The following MGAT4C variants were observed in gnomAD, a reference collection of about 807,000 sequenced individuals.
MGAT4C encodes alpha-1,3-mannosyl-glycoprotein 4-beta-N-acetylglucosaminyltransferase C.
In MGAT4C, 19 loss-of-function variants were observed where a neutral mutation model predicts 40.1. That is an observed-to-expected ratio of 0.47 (90% CI 0.33 to 0.70). The LOEUF (loss-of-function observed/expected upper bound fraction) is 0.70. MGAT4C is among the 30% of genes least tolerant of loss of function. The probability of loss-of-function intolerance (pLI) is 0.02; values close to 1 mark genes in which losing one functional copy is unlikely to be tolerated. For synonymous variants in MGAT4C, 181 were observed against 187.1 expected (o/e 0.97, Z 0.27); for missense variants, 491 against 563.2 (o/e 0.87, Z 1.30).
At chr12:86,701,171 C>A (rs564156690) in intron 2 of MGAT4C, among the ~76,000 whole-genome samples, 3 of 151,884 alleles carry the variant, frequency 2.0e-5, no homozygotes, top group Non-Finnish European at 4.4e-5. Context: ...ATTAAATAAA[C>A]CCAAGGCTTT....
At chr12:86,491,514 C>A (rs1051394362) in intron 2 of MGAT4C, among the ~76,000 whole-genome samples, 10 of 151,894 alleles carry the variant, frequency 6.6e-5, no homozygotes, top group Non-Finnish European at 1.2e-4. Context: ...TAAACGTAAT[C>A]CAGCATATAA....
chr12:86,239,826 C>T lies in MGAT4C; in HGVS notation c.-57+16413G>A, dbSNP rs796403953. 8.4e-5 allele frequency among the ~76,000 whole-genome samples: 11 copies of T among 131,700 alleles called. 1 individual carries two copies. The highest frequency in any genetic ancestry group is 2.9e-4 in the African/African-American group (10 of 34,426). The allele number at this position is 131,700 out of a possible 152,430, so 86.4% of individuals were successfully genotyped here. ...TCTCTTCTCAGTGGAACATGTGCTC[C>T]TGGAAGAAAGGAGACATAAAAGGGG... On this transcript the variant is annotated intron_variant, in intron 1 of 4. Transcript: ENST00000611864.
At chr12:86,792,799 C>T (rs1165680235) in intron 1 of MGAT4C, among the ~76,000 whole-genome samples, 3 of 151,972 alleles carry the variant, frequency 2.0e-5, no homozygotes, top group African/African-American at 7.3e-5. Flanking sequence ...GGTGTGGTGG[C>T]GGACACCTGT....
chr12:86,729,973 T>C (rs1211550419), intron 1 of MGAT4C, among the ~76,000 whole-genome samples: 1 of 152,108 alleles, frequency 6.6e-6, no homozygotes, highest in African/African-American at 2.4e-5. Context: ...ATATTAATCA[T>C]GGCATAGTTT....
chr12:86,097,564 A>G (rs1874169613), intron 1 of MGAT4C, among the ~76,000 whole-genome samples: 1 of 151,796 alleles, frequency 6.6e-6, no homozygotes, highest in Admixed American at 6.6e-5. Context: ...CCATAGAAAT[A>G]TACTGGAAAT....
intron 1 of MGAT4C, among the ~76,000 whole-genome samples, chr12:86,779,800 C>T (rs1475394341): frequency 6.6e-6 from 1 of 151,908 alleles, no homozygotes; most frequent in Non-Finnish European, 1.5e-5. Context: ...GTAGTCCCAG[C>T]TACTCAGGAG....
chr12:86,324,083 A>C (rs1332619553), intron 4 of MGAT4C, among the ~76,000 whole-genome samples: 2 of 151,978 alleles, frequency 1.3e-5, no homozygotes, highest in Non-Finnish European at 2.9e-5. Flanking sequence ...TTTTTAATTA[A>C]ATTCAGCAAT....
At chr12:86,482,698 G>T (rs948343364) in intron 2 of MGAT4C, among the ~76,000 whole-genome samples, 1 of 152,026 alleles carries the variant, frequency 6.6e-6, no homozygotes, top group African/African-American at 2.4e-5. Flanking sequence ...TTTCTCTAAC[G>T]TATAAAGTCT....
At chr12:86,230,996 T>C (rs1035080250) in intron 1 of MGAT4C, among the ~76,000 whole-genome samples, 1 of 151,934 alleles carries the variant, frequency 6.6e-6, no homozygotes, top group Non-Finnish European at 1.5e-5. Context: ...TCAGCAGTAA[T>C]GGATGCCTAC....
rs1040728276 is a variant in MGAT4C, at chr12:86,541,417, A to G, written c.-228-106152T>C. ...TAAATACGAGATGGTAGATTATGCA[A>G]AAGTTCAAAATACTGATTTAAAAGT... On this transcript the variant is annotated intron_variant, in intron 2 of 7. Transcript: ENST00000548651. 3.3e-5 allele frequency among the ~76,000 whole-genome samples: 5 copies of G among 152,208 alleles called. 1 individual carries two copies. The highest frequency in any genetic ancestry group is 3.3e-4 in the Admixed American group (5 of 15,274).
intron 3 of MGAT4C, among the ~76,000 whole-genome samples, chr12:86,418,036 A>G (rs988973543): frequency 7.9e-5 from 12 of 152,190 alleles, no homozygotes; most frequent in African/African-American, 1.9e-4. Context: ...TTTATGGTTA[A>G]TAAGTATATT....
intron 2 of MGAT4C, among the ~76,000 whole-genome samples, chr12:86,563,762 G>T (rs370950379): frequency 1.9e-4 from 29 of 152,126 alleles, no homozygotes; most frequent in African/African-American, 6.5e-4. Context: ...AGGTTATTGT[G>T]GTCCTCCAGT....
intron 1 of MGAT4C, among the ~76,000 whole-genome samples, chr12:86,113,523 TA>T (rs2135653456): frequency 6.6e-6 from 1 of 151,510 alleles, no homozygotes; most frequent in South Asian, 2.1e-4. Flanking sequence ...AATTAAAGCA[TA>T]AAAAAGAATG....
chr12:86,725,855 G>A (rs1055582323), intron 2 of MGAT4C, among the ~76,000 whole-genome samples: 3 of 152,162 alleles, frequency 2.0e-5, no homozygotes, highest in African/African-American at 7.2e-5. Context: ...ATAGTAAGAT[G>A]CTGAAGAATT....
At chr12:86,008,454 T>C (rs1396594381) in intron 2 of MGAT4C, among the ~76,000 whole-genome samples, 1 of 152,090 alleles carries the variant, frequency 6.6e-6, no homozygotes, top group Non-Finnish European at 1.5e-5. Flanking sequence ...TGCTACTACA[T>C]AGAAATTCAA....
intron 3 of MGAT4C, among the ~76,000 whole-genome samples, chr12:86,365,146 T>C (rs1348909516): frequency 3.9e-5 from 6 of 152,164 alleles, no homozygotes; most frequent in Non-Finnish European, 7.4e-5. Flanking sequence ...CAGGGATGCA[T>C]TCTCTTTCTC....
At chr12:86,789,097 T>G (rs1243177684) in intron 1 of MGAT4C, among the ~76,000 whole-genome samples, 1 of 152,034 alleles carries the variant, frequency 6.6e-6, no homozygotes, top group African/African-American at 2.4e-5. Context: ...ACAAACAATA[T>G]CAAGCAAAGG....
At chr12:86,598,341 A>C (rs765677592) in intron 2 of MGAT4C, among the ~76,000 whole-genome samples, 1 of 152,264 alleles carries the variant, frequency 6.6e-6, no homozygotes, top group South Asian at 2.1e-4. Context: ...AATAAAGAAA[A>C]CATTAAAACC....
Position 86,683,167 on chromosome 12 carries a change from C to T in MGAT4C, c.-229+44042G>A, listed in dbSNP as rs995462712. Among the ~76,000 whole-genome samples, 5 of 152,122 alleles carry T rather than the reference C, an allele frequency of 3.3e-5. No individual in the cohort carries two copies. In the South Asian group the frequency reaches 1.0e-3, roughly 32 times the overall value. ...TCTATGAAATTGACATAAAATACCTCATAGGGTGGGGTTAAAAGTATTAAA... is the reference window on the plus strand; with the variant it reads ...TCTATGAAATTGACATAAAATACCTTATAGGGTGGGGTTAAAAGTATTAAA... On this transcript the variant is annotated intron_variant, in intron 2 of 7. Coordinates refer to the MGAT4C transcript ENST00000548651.
Sources: allele counts gnomAD v4.1 joint callset (sites outside exome capture counted in the v4.1 genomes callset), GRCh38; gene constraint gnomAD v4.1.1; transcripts MANE v1.5; gene names NCBI Gene and HGNC (gene_info 2026-07-23, HGNC 2026-07-21).